Variants in N4BP3 observed in about 807,000 individuals in gnomAD.
N4BP3 encodes the protein NEDD4 binding protein 3.
In N4BP3, 33 loss-of-function variants were observed where a neutral mutation model predicts 43.8. The ratio of observed to expected loss-of-function variants is 0.75; its 90% CI spans 0.57 to 1.01. The LOEUF is 1.01. Among genes scored for constraint, N4BP3 ranks in the 50% least tolerant of loss-of-function variants. N4BP3 has a pLI of 0.00. For synonymous variants in N4BP3, 326 were observed against 321.9 expected (o/e 1.01, Z -0.14); for missense variants, 756 against 744.2 (o/e 1.02, Z -0.18).
At chr5:178,119,300 G>C (rs933267819) in intron 1 of N4BP3, among the ~76,000 whole-genome samples, 9 of 152,210 alleles carry the variant, frequency 5.9e-5, no homozygotes, top group Non-Finnish European at 1.3e-4. Context: ...TCGGTGCTCG[G>C]CTGGGGCACC....
In N4BP3 at chr5:178,121,140, C is replaced by T. The variant is rs770895429; in HGVS notation, c.895C>T (p.Arg299Cys). Residue 299 changes from arginine (R) to cysteine (C), a missense_variant, in exon 4 of 5, where the codon CGC (arginine) becomes TGC (cysteine). By Grantham distance (180) the Arg-to-Cys change is radical. Coordinates refer to ENST00000274605, the MANE Select transcript of N4BP3 (RefSeq NM_015111.2). ...RQRLWLAELK[R>C]LYVERLHEVT... ...GCGGCTGTGGCTGGCTGAGCTGAAG[C>T]GCCTGTATGTGGAGCGGCTGCACGA... 7 of 1,599,340 alleles carry T rather than the reference C, an allele frequency of 4.4e-6. No individual in the cohort carries two copies. Among genetic ancestry groups the T allele is most frequent in the East Asian group, 2.2e-5 (1 of 44,806 alleles).
intron 1 of N4BP3, among the ~76,000 whole-genome samples, chr5:178,117,076 G>T (rs1278943882): frequency 6.6e-6 from 1 of 152,154 alleles, no homozygotes; most frequent in Non-Finnish European, 1.5e-5. Flanking sequence ...GCCTCCCAAA[G>T]TGCTGGGATT....
At position 178,126,046 on chromosome 5, in the gene N4BP3, G is replaced by A. The variant is rs1332095688; in HGVS notation, c.*4045G>A. On this transcript the variant is annotated 3_prime_UTR_variant, in exon 5 of 5. Transcript: ENST00000274605. The stretch of plus-strand genomic sequence containing the variant: ...AAGAGCCAGAAATAGATTCTATTCT[G>A]TAGAAAATCTTACACAATAAAGGAC... 7 of 152,206 alleles carry A rather than the reference G, an allele frequency of 4.6e-5. No individual in the cohort carries two copies. Among genetic ancestry groups the A allele is most frequent in the Non-Finnish European group, 8.8e-5 (6 of 68,040 alleles). The allele number at this position is 152,206 out of a possible 1,614,324, so 9.4% of individuals were successfully genotyped here.
rs531632022 is a variant in N4BP3 at position 178,113,588 on chromosome 5, C to A, written c.-214C>A. 14 of 151,874 alleles carry A rather than the reference C, an allele frequency of 9.2e-5. No individual in the cohort carries two copies. Among genetic ancestry groups the A allele is most frequent in the African/African-American group, 2.9e-4 (12 of 41,496 alleles). 9.4% of individuals were successfully genotyped at this position (151,874 alleles called of 1,614,324 possible). A position where few individuals can be genotyped will look rare whatever the true frequency, so the allele number is the denominator to read the frequency against. On this transcript the variant is annotated 5_prime_UTR_variant, in exon 1 of 5. Transcript: ENST00000274605. ...AGCGCCGCGGAGCGCGTCCCTCCCT[C>A]GCCAATCCGGCTCCGGCGCCGGCGC...
In N4BP3 at chr5:178,119,298, C is replaced by T. The variant is rs115438712; in HGVS notation, c.-30-256C>T. Among the ~76,000 whole-genome samples the T allele has an allele frequency of 7.4e-4, 112 of 152,186 alleles. 1 individual carries two copies. The highest frequency in any genetic ancestry group is 2.6e-4 in the Non-Finnish European group (18 of 68,040). On this transcript the variant is annotated intron_variant, in intron 1 of 4. Coordinates refer to ENST00000274605, the MANE Select transcript of N4BP3 (RefSeq NM_015111.2). ...GAGGTGGAGCTGGCCCTTCGGTGCT[C>T]GGCTGGGGCACCATTGCTCTTCCTT... is the stretch of plus-strand genomic sequence containing the variant.
At chr5:178,117,211 G>T (rs971724020) in intron 1 of N4BP3, among the ~76,000 whole-genome samples, 13 of 152,188 alleles carry the variant, frequency 8.5e-5, no homozygotes, top group African/African-American at 3.1e-4. Flanking sequence ...TGGAGAGCAG[G>T]TCTCTGCTGT....
intron 1 of N4BP3, among the ~76,000 whole-genome samples, chr5:178,116,193 G>A (rs1306161423): frequency 5.1e-5 from 1 of 19,546 alleles, no homozygotes; most frequent in Non-Finnish European, 9.8e-5. Context: ...CAGCTGCCCT[G>A]CCCAGCTGCC....
At chr5:178,117,573 T>A (rs952462027) in intron 1 of N4BP3, among the ~76,000 whole-genome samples, 7 of 136,336 alleles carry the variant, frequency 5.1e-5, no homozygotes, top group African/African-American at 2.0e-4. Flanking sequence ...GTTGCACTAC[T>A]GTAGTCCAGC....
chr5:178,121,394 T>G, intron 4 of N4BP3, 42 bp downstream of exon 4: 1 of 1,611,478 alleles, frequency 6.2e-7, no homozygotes, highest in South Asian at 1.1e-5. Context: ...CCATCTCCAT[T>G]GCCGGTCCCT....
Position 178,113,549 on chromosome 5 carries a change from G to A in N4BP3, c.-253G>A, listed in dbSNP as rs1246641099. The A allele has an allele frequency of 6.6e-6, 1 of 151,610 alleles. No individual in the cohort carries two copies. The highest frequency in any genetic ancestry group is 1.9e-4 in the East Asian group (1 of 5,182). 9.4% of individuals were successfully genotyped at this position (151,610 alleles called of 1,614,324 possible). ...CAGGCCGGGTTTTCCCTCCGCCTTTGGGGCAGGCGATCGAGCGCCGCGGAG... is the reference window on the plus strand; with the variant it reads ...CAGGCCGGGTTTTCCCTCCGCCTTTAGGGCAGGCGATCGAGCGCCGCGGAG... On this transcript the variant is annotated 5_prime_UTR_variant, in exon 1 of 5. Transcript: ENST00000274605.
chr5:178,114,725 A>G (rs1333567209), intron 1 of N4BP3, among the ~76,000 whole-genome samples: 1 of 152,200 alleles, frequency 6.6e-6, no homozygotes, highest in Non-Finnish European at 1.5e-5. Context: ...CAGACTGTGA[A>G]TGAATGCGGC....
chr5:178,120,540 G>T lies in N4BP3; in HGVS notation c.693G>T (p.Glu231Asp), dbSNP rs1394484932. The change falls in exon 3 of 5, where the codon GAG becomes GAT. Residue 231 changes from glutamate (E) to aspartate (D), a missense_variant. By Grantham distance (45) the Glu-to-Asp change is conservative. Transcript: ENST00000274605. ...ACCGGGCCTCTCAAGGACCCAAGGAGGCTGGGCCACCAGCTGTGCTGAGCT... is the reference window on the plus strand; with the variant it reads ...ACCGGGCCTCTCAAGGACCCAAGGATGCTGGGCCACCAGCTGTGCTGAGCT... ...SLDRASQGPK[E>D]AGPPAVLSCL... 1 of 1,613,090 alleles carries T rather than the reference G, an allele frequency of 6.2e-7. No homozygotes were observed. Among genetic ancestry groups the T allele is most frequent in the Admixed American group, 1.7e-5 (1 of 60,028 alleles).
downstream of N4BP3, among the ~76,000 whole-genome samples, chr5:178,126,652 G>C (rs1561622045): frequency 6.6e-6 from 1 of 152,274 alleles, no homozygotes; most frequent in South Asian, 2.1e-4. Context: ...AGCGCAGGGA[G>C]GGGCCTTCTC....
intron 1 of N4BP3, among the ~76,000 whole-genome samples, chr5:178,114,779 G>C (rs144950852): frequency 6.6e-6 from 1 of 152,206 alleles, no homozygotes; most frequent in African/African-American, 2.4e-5. Flanking sequence ...ATAGCGACTC[G>C]GAGTCCCCAT....
Position 178,121,209 on chromosome 5 carries a change from C to A in N4BP3, c.964C>A (p.Gln322Lys), listed in dbSNP as rs765222793. Residue 322 changes from glutamine to lysine, a missense_variant, in exon 4 of 5, where the codon CAG (glutamine) becomes AAG (lysine). By Grantham distance (53) the Gln-to-Lys change is moderately conservative. Coordinates refer to ENST00000274605, the MANE Select transcript of N4BP3 (RefSeq NM_015111.2). ...GCGCAGCGAGCGCAACCTCCAGCTG[C>A]AGCTGTTTATGGCTCAGCAGGAGCA... ...AERSERNLQL[Q>K]LFMAQQEQRR... 6.2e-7 allele frequency: 1 copy of A among 1,603,048 alleles called. No homozygotes were observed. Among genetic ancestry groups the A allele is most frequent in the Non-Finnish European group, 8.5e-7 (1 of 1,176,676 alleles).
chr5:178,119,496 C>T, intron 1 of N4BP3, 58 bp from the exon 2 acceptor site: 1 of 1,306,656 alleles, frequency 7.7e-7, no homozygotes, highest in Non-Finnish European at 1.1e-6. Flanking sequence ...TTTTCAGGCC[C>T]CAGGGAAGTT....
intron 2 of N4BP3, 51 bp downstream of exon 2, chr5:178,119,964 T>C: frequency 6.6e-7 from 1 of 1,525,116 alleles, no homozygotes; most frequent in Non-Finnish European, 8.8e-7. Flanking sequence ...TGGGGTCTCC[T>C]TGGAGACCCT....
chr5:178,123,829 C>G lies in N4BP3; in HGVS notation c.*1828C>G, dbSNP rs1289486376. The G allele has an allele frequency of 6.5e-6, 1 of 153,000 alleles. No homozygotes were observed. Among genetic ancestry groups the G allele is most frequent in the Non-Finnish European group, 1.5e-5 (1 of 68,340 alleles). 9.5% of individuals were successfully genotyped at this position (153,000 alleles called of 1,614,324 possible). On this transcript the variant is annotated 3_prime_UTR_variant, in exon 5 of 5. Transcript: ENST00000274605. ...TCTACCCCATTCCTTCCTGTCAGCC[C>G]CAGTCTGTCTTGGCACTGGCCAGGC...
chr5:178,116,152 C>T (rs1757766921), intron 1 of N4BP3, among the ~76,000 whole-genome samples: 1 of 152,210 alleles, frequency 6.6e-6, no homozygotes, highest in African/African-American at 2.4e-5. Flanking sequence ...TCCTCCCTCC[C>T]TCCTCCCCCA....
Sources: gnomAD v4.1 joint callset for allele counts (sites outside exome capture counted in the v4.1 genomes callset) on GRCh38, gnomAD v4.1.1 for gene constraint, MANE v1.5 for transcripts, NCBI Gene and HGNC (gene_info 2026-07-23, HGNC 2026-07-21) for gene names.